FAH: variants seen among roughly 807,000 people sequenced by gnomAD.
FAH encodes the protein fumarylacetoacetase.
Under a neutral mutation model 55.8 loss-of-function variants are expected in FAH, and 47 were observed. The ratio of observed to expected loss-of-function variants is 0.84; its 90% CI spans 0.67 to 1.07. The LOEUF is 1.07. Ranked by LOEUF, FAH falls within the 50% of genes least tolerant of loss-of-function variation. The pLI is 0.00. For missense variants in FAH, 495 were observed against 545.9 expected (o/e 0.91, Z 0.93); for synonymous variants, 199 against 207.7 (o/e 0.96, Z 0.36).
intron 12 of FAH, 142 bp from the exon 13 acceptor site, chr15:80,180,900 C>T (rs2041325478): frequency 1.5e-6 from 1 of 664,390 alleles, no homozygotes; most frequent in Non-Finnish European, 2.8e-6. Context: ...TGCAGTGATC[C>T]CACCAAGGCC....
intron 5 of FAH, chr15:80,167,265 C>T (rs2041199636): frequency 6.6e-6 from 1 of 152,366 alleles, no homozygotes; most frequent in South Asian, 2.1e-4. Flanking sequence ...CCATCTCCTC[C>T]TGAAGCTTCT....
At chr15:80,153,316 T>C (rs2041070293) in intron 1 of FAH, among the ~76,000 whole-genome samples, 181 bp downstream of exon 1, 1 of 152,216 alleles carries the variant, frequency 6.6e-6, no homozygotes, top group Non-Finnish European at 1.5e-5. Context: ...CGTAACTTTC[T>C]AGCTGTGCAC....
chr15:80,180,972 C>G, intron 12 of FAH, 70 bp from the exon 13 acceptor site: 1 of 1,308,488 alleles, frequency 7.6e-7, no homozygotes, highest in Non-Finnish European at 1.1e-6. Flanking sequence ...CCAGGTCTTG[C>G]TGAGCATGGT....
At chr15:80,164,357 A>G (rs895958458) in intron 5 of FAH, among the ~76,000 whole-genome samples, 4 of 152,136 alleles carry the variant, frequency 2.6e-5, no homozygotes, top group African/African-American at 9.7e-5. Flanking sequence ...GCCTCTGTCT[A>G]TAAGGACCCT....
At chr15:80,182,766 T>G (rs1034493509) in intron 13 of FAH, among the ~76,000 whole-genome samples, 6 of 152,242 alleles carry the variant, frequency 3.9e-5, no homozygotes, top group African/African-American at 1.4e-4. Context: ...GGTCTTCTGA[T>G]TCCCCTGCCA....
In FAH at chr15:80,153,035, C is replaced by G. The variant is rs201528408; in HGVS notation, c.-20C>G. The G allele has an allele frequency of 3.1e-6, 5 of 1,610,432 alleles. No individual in the cohort carries two copies. Among genetic ancestry groups the G allele is most frequent in the Middle Eastern group, 1.7e-4 (1 of 6,058 alleles). On this transcript the variant is annotated 5_prime_UTR_variant, in exon 1 of 14. Transcript: ENST00000561421. The stretch of plus-strand genomic sequence containing the variant: ...CCGCACGCCACCTTAGGCCCGCAGC[C>G]GTGCCGGGTGCTCTTCAGCATGTCC...
chr15:80,160,465 T>G lies in FAH; in HGVS notation c.364+6T>G. 6.2e-7 allele frequency: 1 copy of G among 1,614,002 alleles called. No homozygotes were observed. Among genetic ancestry groups the G allele is most frequent in the Non-Finnish European group, 8.5e-7 (1 of 1,179,860 alleles). ...GCACCTTCCAGCCACCATAGGTGAG[T>G]GCAGTCTCTTCACCAAGATAAGAAC... On this transcript the variant is annotated splice_donor_region_variant and intron_variant, in intron 4 of 13. Coordinates refer to ENST00000561421, the MANE Select transcript of FAH (RefSeq NM_000137.4).
rs536800588 is a variant in FAH at position 80,168,553 on chromosome 15, T to G, written c.606+237T>G. On this transcript the variant is annotated intron_variant, in intron 7 of 13. Transcript: ENST00000561421. The stretch of plus-strand genomic sequence containing the variant: ...TTTATTTGTAAGTCCAGAATTAATA[T>G]TCACAGAGCTTTTGTGGGCATGTGT... 34 of 581,596 alleles carry G rather than the reference T, an allele frequency of 5.8e-5. No individual in the cohort carries two copies. The South Asian group carries it at 6.6e-4, about 11-fold the overall frequency. The allele number at this position is 581,596 out of a possible 1,614,324, so 36.0% of individuals were successfully genotyped here.
At chr15:80,168,390 C>T (rs1439664324) in intron 7 of FAH, 74 bp downstream of exon 7, 15 of 1,499,250 alleles carry the variant, frequency 1.0e-5, no homozygotes, top group South Asian at 5.6e-5. Context: ...GATGGCTCCC[C>T]GCACCATGAG....
intron 7 of FAH, 159 bp downstream of exon 7, chr15:80,168,475 A>G: frequency 1.4e-6 from 1 of 692,580 alleles, no homozygotes; most frequent in Non-Finnish European, 2.6e-6. Context: ...AGGACAGTTG[A>G]TCCTTATTAC....
chr15:80,181,012 T>G, intron 12 of FAH, 30 bp from the exon 13 acceptor site: 1 of 1,561,182 alleles, frequency 6.4e-7, no homozygotes, highest in East Asian at 2.3e-5. Context: ...TAAATTCATG[T>G]TATTCTTTCT....
chr15:80,159,368 T>A (rs2041127948), intron 2 of FAH, among the ~76,000 whole-genome samples: 1 of 152,086 alleles, frequency 6.6e-6, no homozygotes, highest in South Asian at 2.1e-4. Context: ...CCATCACACC[T>A]GGCCCAAAAC....
At chr15:80,153,821 C>T (rs1476456078) in intron 1 of FAH, among the ~76,000 whole-genome samples, 1 of 152,044 alleles carries the variant, frequency 6.6e-6, no homozygotes, top group Non-Finnish European at 1.5e-5. Context: ...TAAGAGGTTC[C>T]CTAGGTTGGA....
chr15:80,166,648 T>TC (rs1199588222), intron 5 of FAH, among the ~76,000 whole-genome samples: 1 of 148,696 alleles, frequency 6.7e-6, no homozygotes, highest in Non-Finnish European at 1.5e-5. Flanking sequence ...TTTTTTTTTT[T>TC]TTTTTTGAGA....
At chr15:80,165,527 C>CAA (rs535506436) in intron 5 of FAH, among the ~76,000 whole-genome samples, 5 of 106,760 alleles carry the variant, frequency 4.7e-5, no homozygotes, top group African/African-American at 6.9e-5. Context: ...GACTCCATCT[C>CAA]AAAAAAAAAA....
chr15:80,153,349 T>A (rs1416678712), intron 1 of FAH, among the ~76,000 whole-genome samples: 1 of 152,162 alleles, frequency 6.6e-6, no homozygotes, highest in Non-Finnish European at 1.5e-5. Context: ...TTCAGCCTCA[T>A]TGTCCGCAGG....
At chr15:80,171,561 AG>A (rs2041240784) in intron 7 of FAH, among the ~76,000 whole-genome samples, 1 of 152,148 alleles carries the variant, frequency 6.6e-6, no homozygotes, top group South Asian at 2.1e-4. Context: ...CCCTGGCTCA[AG>A]CAATCTTCCC....
At chr15:80,162,047 C>T in intron 4 of FAH, among the ~76,000 whole-genome samples, 199 bp from the exon 5 acceptor site, 1 of 152,188 alleles carries the variant, frequency 6.6e-6, no homozygotes, top group East Asian at 1.9e-4. Context: ...TTATTTGTTT[C>T]TCAGCTGAGG....
chr15:80,163,700 G>A (rs952409385), intron 5 of FAH: 2 of 152,198 alleles, frequency 1.3e-5, no homozygotes, highest in South Asian at 4.1e-4. Context: ...AAACACTACA[G>A]AAAATATGTA....
Sources: gnomAD v4.1 joint callset for allele counts (sites outside exome capture counted in the v4.1 genomes callset) on GRCh38, gnomAD v4.1.1 for gene constraint, MANE v1.5 for transcripts, NCBI Gene and HGNC (gene_info 2026-07-23, HGNC 2026-07-21) for gene names.